TRIP13: variants seen among roughly 807,000 people sequenced by gnomAD.
The protein encoded by TRIP13 is thyroid hormone receptor interactor 13.
TRIP13 carries 25 observed loss-of-function variants against 54.4 expected under a neutral mutation model. The observed-to-expected ratio is 0.46, with a 90% CI of 0.33 to 0.64. TRIP13 has a LOEUF of 0.64. Ranked by LOEUF, TRIP13 falls within the 30% of genes least tolerant of loss-of-function variation. TRIP13 has a pLI of 0.02. For synonymous variants in TRIP13, 207 were observed against 207.8 expected (o/e 1.00, Z 0.03); for missense variants, 373 against 534.2 (o/e 0.70, Z 2.97).
Position 908,205 on chromosome 5 carries a change from C to A in TRIP13, c.759+131C>A. The A allele has an allele frequency of 1.5e-6, 2 of 1,365,058 alleles. No individual in the cohort carries two copies. Among genetic ancestry groups the A allele is most frequent in the Non-Finnish European group, 2.1e-6 (2 of 968,116 alleles). 84.6% of individuals were successfully genotyped at this position (1,365,058 alleles called of 1,614,324 possible). A position where few individuals can be genotyped will look rare whatever the true frequency, so the allele number is the denominator to read the frequency against. On this transcript the variant is annotated intron_variant, in intron 8 of 12. Transcript: ENST00000166345. The surrounding 1 kb of genome is among the most constrained non-coding windows in gnomAD (Gnocchi z 5.2). Reference sequence around the variant, plus strand: ...GCCCTCTATCCCTCCCTGCACTGTGCGCCTTTCCACCTTGCCGCAGCATCC... The same window carrying A: ...GCCCTCTATCCCTCCCTGCACTGTGAGCCTTTCCACCTTGCCGCAGCATCC...
chr5:908,743 G>C lies in TRIP13; in HGVS notation c.866+282G>C, dbSNP rs980044121. The C allele has an allele frequency of 1.0e-6, 1 of 974,708 alleles. No homozygotes were observed. The highest frequency in any genetic ancestry group is 3.7e-5 in the Admixed American group (1 of 27,194). The allele number at this position is 974,708 out of a possible 1,614,324, so 60.4% of individuals were successfully genotyped here. On this transcript the variant is annotated intron_variant, in intron 9 of 12. Coordinates refer to ENST00000166345, the MANE Select transcript of TRIP13 (RefSeq NM_004237.4). This position sits in a 1 kb window ranked among gnomAD's most constrained non-coding sequence, Gnocchi z 5.2. ...GGAGGCCGAGGCAGGCGGATCACAAGGTCAGTAGATTGAGACCATCCTGGC... is the reference window on the plus strand; with the variant it reads ...GGAGGCCGAGGCAGGCGGATCACAACGTCAGTAGATTGAGACCATCCTGGC...
chr5:900,365 A>G (rs1243677011), intron 3 of TRIP13, 129 bp from the exon 4 acceptor site: 2 of 871,930 alleles, frequency 2.3e-6, no homozygotes, highest in African/African-American at 1.8e-5. Flanking sequence ...ACTTTCCTGT[A>G]ATCAGAATCA....
At chr5:904,728 T>C (rs959502174) in intron 6 of TRIP13, among the ~76,000 whole-genome samples, 1 of 152,246 alleles carries the variant, frequency 6.6e-6, no homozygotes, top group Non-Finnish European at 1.5e-5. Flanking sequence ...AAGTTTCTAT[T>C]GCCGTATTTT....
rs532362341 is a variant in TRIP13 at position 904,101 on chromosome 5, G to A, written c.536-47G>A. On this transcript the variant is annotated intron_variant, in intron 5 of 12. Coordinates refer to ENST00000166345, the MANE Select transcript of TRIP13 (RefSeq NM_004237.4). Reference sequence around the variant, plus strand: ...AAGTTACTGTTGTTTTAAGAAATTTGTTGTAGCACTGACTTAAAAATATAT... The same window carrying A: ...AAGTTACTGTTGTTTTAAGAAATTTATTGTAGCACTGACTTAAAAATATAT... 13 of 1,551,008 alleles carry A rather than the reference G, an allele frequency of 8.4e-6. No individual in the cohort carries two copies. The Admixed American group carries it at 2.4e-4, about 29-fold the overall frequency.
At chr5:905,601 A>G (rs1006297736) in intron 6 of TRIP13, among the ~76,000 whole-genome samples, 1 of 151,312 alleles carries the variant, frequency 6.6e-6, no homozygotes, top group African/African-American at 2.4e-5. Flanking sequence ...GAGCATTTGT[A>G]GAGAGGGTCC....
chr5:919,088 C>A (rs1754384174), downstream of TRIP13: 1 of 152,186 alleles, frequency 6.6e-6, no homozygotes, highest in Non-Finnish European at 1.5e-5. Context: ...AATTGCCAAA[C>A]CTGAATTGCT....
chr5:894,439 A>T (rs1753845678), intron 1 of TRIP13, among the ~76,000 whole-genome samples: 1 of 152,236 alleles, frequency 6.6e-6, no homozygotes, highest in South Asian at 2.1e-4. Context: ...GTGGAACTTC[A>T]TTAGTAATAG....
chr5:896,622 G>C (rs751489850), intron 2 of TRIP13, 43 bp from the exon 3 acceptor site: 4 of 1,583,940 alleles, frequency 2.5e-6, no homozygotes, highest in Admixed American at 1.7e-5. Flanking sequence ...AGTTAAGTGA[G>C]AGTTGGAAAT....
intron 5 of TRIP13, among the ~76,000 whole-genome samples, chr5:902,331 T>C (rs1338491222): frequency 6.6e-6 from 1 of 152,200 alleles, no homozygotes; most frequent in Non-Finnish European, 1.5e-5. Flanking sequence ...TAAGATTGCG[T>C]GACAAAGTGA....
chr5:902,173 T>C (rs1260233199), intron 5 of TRIP13, among the ~76,000 whole-genome samples: 1 of 152,186 alleles, frequency 6.6e-6, no homozygotes, highest in African/African-American at 2.4e-5. Context: ...GAGAAAATAC[T>C]GATGGTTTGT....
In TRIP13 at chr5:917,199, C is replaced by A; in HGVS notation, c.*96C>A. On this transcript the variant is annotated 3_prime_UTR_variant, in exon 13 of 13. Transcript: ENST00000166345. ...GCCGTCTCCCAGGGAATCCCTTCTG[C>A]AAACCAAACGTTACTTAGACTGCAA... is the stretch of plus-strand genomic sequence containing the variant. The A allele has an allele frequency of 8.3e-7, 1 of 1,197,688 alleles. No homozygotes were observed. The highest frequency in any genetic ancestry group is 1.2e-6 in the Non-Finnish European group (1 of 844,410). 74.2% of individuals were successfully genotyped at this position (1,197,688 alleles called of 1,614,324 possible). A position where few individuals can be genotyped will look rare whatever the true frequency, so the allele number is the denominator to read the frequency against.
chr5:907,352 G>C lies in TRIP13; in HGVS notation c.672+159G>C, dbSNP rs995038647. On this transcript the variant is annotated intron_variant, in intron 7 of 12. Coordinates refer to ENST00000166345, the MANE Select transcript of TRIP13 (RefSeq NM_004237.4). The surrounding 1 kb of genome is among the most constrained non-coding windows in gnomAD (Gnocchi z 4.1). ...GTGATCAGAGAAGGTTCCGGAGCTG[G>C]GGCCCTTGGGGACCCTCCCTTGGTT... is the stretch of plus-strand genomic sequence containing the variant. 6.6e-6 allele frequency among the ~76,000 whole-genome samples: 1 copy of C among 152,184 alleles called. No individual in the cohort carries two copies. The highest frequency in any genetic ancestry group is 1.5e-5 in the Non-Finnish European group (1 of 68,040).
chr5:903,386 A>G (rs1254176924), intron 5 of TRIP13, among the ~76,000 whole-genome samples: 1 of 152,160 alleles, frequency 6.6e-6, no homozygotes, highest in South Asian at 2.1e-4. Flanking sequence ...TTCCTAGGTT[A>G]TGATTGTAGA....
intron 9 of TRIP13, among the ~76,000 whole-genome samples, chr5:910,919 A>G (rs971300217): frequency 2.0e-5 from 3 of 152,214 alleles, no homozygotes; most frequent in African/African-American, 7.2e-5. Flanking sequence ...CCCGGCGCGC[A>G]GGCACAGGGC....
intron 9 of TRIP13, among the ~76,000 whole-genome samples, chr5:909,499 G>C (rs1754185132): frequency 6.6e-6 from 1 of 152,172 alleles, no homozygotes; most frequent in Non-Finnish European, 1.5e-5. Flanking sequence ...CTGGCTTCCT[G>C]AGAAGCGCTC....
rs539944604 is a variant in TRIP13, at chr5:908,222, G to A, written c.760-133G>A. The A allele has an allele frequency of 5.2e-5, 72 of 1,377,980 alleles. No individual in the cohort carries two copies. The highest frequency in any genetic ancestry group is 2.5e-4 in the Admixed American group (14 of 56,082). 85.4% of individuals were successfully genotyped at this position (1,377,980 alleles called of 1,614,324 possible). A position where few individuals can be genotyped will look rare whatever the true frequency, so the allele number is the denominator to read the frequency against. ...GCACTGTGCGCCTTTCCACCTTGCC[G>A]CAGCATCCGCAGGCTAGGCACGGGA... On this transcript the variant is annotated intron_variant, in intron 8 of 12. Transcript: ENST00000166345. This position sits in a 1 kb window ranked among gnomAD's most constrained non-coding sequence, Gnocchi z 5.2.
chr5:906,470 C>T (rs1351355217), intron 6 of TRIP13, among the ~76,000 whole-genome samples: 4 of 152,134 alleles, frequency 2.6e-5, no homozygotes, highest in Non-Finnish European at 5.9e-5. Context: ...AGTAAACGGT[C>T]TCTCTCTTTT....
At position 908,876 on chromosome 5, in the gene TRIP13, T is replaced by A. The variant is rs764134103; in HGVS notation, c.866+415T>A. On this transcript the variant is annotated intron_variant, in intron 9 of 12. Transcript: ENST00000166345. The surrounding 1 kb of genome is among the most constrained non-coding windows in gnomAD (Gnocchi z 5.2). ...TGGAGGCTGAGGCAGGAGAATGGTG[T>A]GAACCCGGGAGGCAGAACTTGCAGT... The A allele has an allele frequency of 6.7e-5, 13 of 192,814 alleles. No homozygotes were observed. Among genetic ancestry groups the A allele is most frequent in the Non-Finnish European group, 1.3e-4 (12 of 93,490 alleles). 11.9% of individuals were successfully genotyped at this position (192,814 alleles called of 1,614,324 possible).
At position 904,100 on chromosome 5, in the gene TRIP13, T is replaced by G. The variant is rs369774543; in HGVS notation, c.536-48T>G. ...GAAGTTACTGTTGTTTTAAGAAATT[T>G]GTTGTAGCACTGACTTAAAAATATA... On this transcript the variant is annotated intron_variant, in intron 5 of 12. Coordinates refer to ENST00000166345, the MANE Select transcript of TRIP13 (RefSeq NM_004237.4). 48 of 1,542,040 alleles carry G rather than the reference T, an allele frequency of 3.1e-5. No homozygotes were observed. In the African/African-American group the frequency reaches 4.5e-4, roughly 14 times the overall value.
Sources: gnomAD v4.1 joint callset for allele counts (sites outside exome capture counted in the v4.1 genomes callset) on GRCh38, gnomAD v4.1.1 for gene constraint, Gnocchi (gnomAD v3.1) non-coding constraint, MANE v1.5 for transcripts, NCBI Gene and HGNC (gene_info 2026-07-23, HGNC 2026-07-21) for gene names.